Variants in ZNF385D observed in about 807,000 individuals in gnomAD.
ZNF385D encodes zinc finger protein 659.
In ZNF385D, 15 loss-of-function variants were observed where a neutral mutation model predicts 35.8. The ratio of observed to expected loss-of-function variants is 0.42; its 90% CI spans 0.28 to 0.64. ZNF385D has a LOEUF of 0.64. Among genes scored for constraint, ZNF385D ranks in the 30% least tolerant of loss-of-function variants. ZNF385D has a pLI of 0.23. For missense variants in ZNF385D, 474 were observed against 494.6 expected (o/e 0.96, Z 0.39); for synonymous variants, 212 against 186.8 (o/e 1.13, Z -1.10).
intron 3 of ZNF385D, among the ~76,000 whole-genome samples, chr3:21,849,172 T>C (rs571270745): frequency 6.6e-6 from 1 of 152,212 alleles, no homozygotes; most frequent in South Asian, 2.1e-4. Context: ...CATTTTACTA[T>C]TGCTACATAT....
chr3:22,371,847 G>T (rs893980243), intron 2 of ZNF385D, among the ~76,000 whole-genome samples: 1 of 152,082 alleles, frequency 6.6e-6, no homozygotes, highest in African/African-American at 2.4e-5. Flanking sequence ...TTCCTTGGAG[G>T]GACGCTTCAT....
chr3:21,628,509 T>TAAAA (rs57507160), intron 2 of ZNF385D, among the ~76,000 whole-genome samples: 2 of 151,632 alleles, frequency 1.3e-5, no homozygotes, highest in Non-Finnish European at 2.9e-5. Context: ...ATCTAGATTT[T>TAAAA]AAAAAAATCT....
At chr3:22,127,640 C>G (rs1406030553) in intron 3 of ZNF385D, among the ~76,000 whole-genome samples, 1 of 151,824 alleles carries the variant, frequency 6.6e-6, no homozygotes, top group East Asian at 1.9e-4. Context: ...GTGCCTGGCC[C>G]TAAATGTTTT....
intron 2 of ZNF385D, among the ~76,000 whole-genome samples, chr3:21,610,800 T>C (rs1025237782): frequency 3.6e-4 from 55 of 150,840 alleles, no homozygotes; most frequent in African/African-American, 1.2e-3. Context: ...ACAATAGTCA[T>C]GTGTTATTTC....
At chr3:22,070,652 A>G (rs1297386420) in intron 3 of ZNF385D, among the ~76,000 whole-genome samples, 2 of 152,176 alleles carry the variant, frequency 1.3e-5, no homozygotes, top group African/African-American at 4.8e-5. Flanking sequence ...GGTAGAGGAC[A>G]TGAGAAAATA....
chr3:22,309,043 G>A (rs556618424), intron 2 of ZNF385D, among the ~76,000 whole-genome samples: 1 of 152,006 alleles, frequency 6.6e-6, no homozygotes. Flanking sequence ...TGAAAATACT[G>A]CCAGAAAGGA....
At chr3:21,452,424 C>G (rs1418482945) in intron 4 of ZNF385D, among the ~76,000 whole-genome samples, 1 of 151,910 alleles carries the variant, frequency 6.6e-6, no homozygotes, top group African/African-American at 2.4e-5. Context: ...CTAGCCAGAA[C>G]TATTAAGGAG....
chr3:22,020,805 T>C (rs969801492), intron 3 of ZNF385D, among the ~76,000 whole-genome samples: 1 of 151,938 alleles, frequency 6.6e-6, no homozygotes, highest in Non-Finnish European at 1.5e-5. Context: ...AATCATTATA[T>C]CAAAAAGATA....
At chr3:22,139,494 T>C (rs1349184440) in intron 3 of ZNF385D, among the ~76,000 whole-genome samples, 1 of 151,900 alleles carries the variant, frequency 6.6e-6, no homozygotes, top group African/African-American at 2.4e-5. Context: ...AAACCATCAT[T>C]CTCAGCAAAC....
intron 1 of ZNF385D, among the ~76,000 whole-genome samples, chr3:21,713,623 A>C (rs562029249): frequency 6.6e-6 from 1 of 152,158 alleles, no homozygotes; most frequent in South Asian, 2.1e-4. Flanking sequence ...TTCGTTCCCT[A>C]TCACTGTCTC....
At chr3:22,104,416 A>G (rs1246701315) in intron 3 of ZNF385D, among the ~76,000 whole-genome samples, 2 of 152,156 alleles carry the variant, frequency 1.3e-5, no homozygotes, top group African/African-American at 4.8e-5. Context: ...AAGACTAATG[A>G]CATTCTTCTG....
intron 2 of ZNF385D, among the ~76,000 whole-genome samples, chr3:21,614,880 C>T (rs1019329772): frequency 2.0e-5 from 3 of 152,172 alleles, no homozygotes; most frequent in African/African-American, 7.2e-5. Flanking sequence ...AGCCATCGTG[C>T]CCGGCCCCTG....
chr3:21,957,949 C>T (rs1353743405), intron 3 of ZNF385D, among the ~76,000 whole-genome samples: 1 of 151,772 alleles, frequency 6.6e-6, no homozygotes, highest in Admixed American at 6.6e-5. Context: ...TTCAGAAAAA[C>T]AGACAGTACT....
At chr3:22,242,713 A>G (rs1360421414) in intron 2 of ZNF385D, among the ~76,000 whole-genome samples, 1 of 151,166 alleles carries the variant, frequency 6.6e-6, no homozygotes, top group Admixed American at 6.6e-5. Context: ...TATCAGGAGA[A>G]AACAATCACT....
intron 2 of ZNF385D, among the ~76,000 whole-genome samples, chr3:22,342,304 CTG>C (rs1254216767): frequency 1.4e-5 from 2 of 138,940 alleles, no homozygotes; most frequent in Non-Finnish European, 3.1e-5. Context: ...AAAAAAAAGA[CTG>C]AATGAATTAC....
intron 1 of ZNF385D, among the ~76,000 whole-genome samples, chr3:21,734,119 G>A (rs2069136122): frequency 6.6e-6 from 1 of 152,050 alleles, no homozygotes. Context: ...AATACTATTA[G>A]TATTTTGAAT....
At chr3:21,954,095 T>C (rs556375975) in intron 3 of ZNF385D, among the ~76,000 whole-genome samples, 39 of 151,926 alleles carry the variant, frequency 2.6e-4, no homozygotes, top group Non-Finnish European at 4.0e-4. Flanking sequence ...CTGCCCTCCA[T>C]CCCCATTTGG....
In ZNF385D at chr3:21,997,866, CGCGCGCGTGT is replaced by C. The variant is rs869144357; in HGVS notation, c.325+170941_325+170950del. On this transcript the variant is annotated intron_variant, in intron 3 of 5. Transcript: ENST00000494108. ...TTGATGTTGCTATTTGGCGCGCGCG[CGCGCGCGTGT>C]GTGTGTGTGTGTGTGTGTGTGTGTG... Among the ~76,000 whole-genome samples the C allele has an allele frequency of 6.3e-3, 612 of 97,830 alleles. 4 individuals carry two copies. The highest frequency in any genetic ancestry group is 0.02 in the South Asian group (52 of 2,644). The allele number at this position is 97,830 out of a possible 152,430, so 64.2% of individuals were successfully genotyped here.
At chr3:21,536,167 CA>C (rs2062032262) in intron 3 of ZNF385D, among the ~76,000 whole-genome samples, 1 of 152,052 alleles carries the variant, frequency 6.6e-6, no homozygotes, top group South Asian at 2.1e-4. Flanking sequence ...CCCTAGCTGA[CA>C]ATTGGGAATT....
Sources: allele counts gnomAD v4.1 joint callset (sites outside exome capture counted in the v4.1 genomes callset), GRCh38; gene constraint gnomAD v4.1.1; transcripts MANE v1.5; gene names NCBI Gene and HGNC (gene_info 2026-07-23, HGNC 2026-07-21).